The following SGCD variants were observed in gnomAD, a reference collection of about 807,000 sequenced individuals.
SGCD encodes the protein sarcoglycan delta, also known as delta-sarcoglycan.
SGCD carries 18 observed loss-of-function variants against 36.6 expected under a neutral mutation model. That is an observed-to-expected ratio of 0.49 (90% CI 0.34 to 0.73). The LOEUF is 0.73. Among genes scored for constraint, SGCD ranks in the 30% least tolerant of loss-of-function variants. SGCD has a pLI of 0.01. For missense variants in SGCD, 387 were observed against 346.7 expected, an observed-to-expected ratio of 1.12 and a Z score of -0.92; for synonymous variants, 133 against 130.6, an observed-to-expected ratio of 1.02 and a Z score of -0.12.
At chr5:156,446,680 T>C (rs979203388) in intron 3 of SGCD, among the ~76,000 whole-genome samples, 2 of 152,152 alleles carry the variant, frequency 1.3e-5, no homozygotes, top group Admixed American at 6.6e-5. Context: ...CCGAAGGAGC[T>C]GAGTCCAAGA....
chr5:156,034,033 A>T (rs1307615593), intron 1 of SGCD, among the ~76,000 whole-genome samples: 1 of 152,156 alleles, frequency 6.6e-6, no homozygotes, highest in Non-Finnish European at 1.5e-5. Context: ...GATATTTTTC[A>T]TCCACTGCCC....
chr5:156,540,713 C>T (rs1279885794), intron 4 of SGCD, among the ~76,000 whole-genome samples: 3 of 152,246 alleles, frequency 2.0e-5, no homozygotes, highest in Admixed American at 6.5e-5. Flanking sequence ...TAATGAGCCA[C>T]GTTCCCCATG....
intron 4 of SGCD, among the ~76,000 whole-genome samples, chr5:156,541,018 T>C (rs999252032): frequency 6.6e-6 from 1 of 152,166 alleles, no homozygotes; most frequent in Non-Finnish European, 1.5e-5. Context: ...GAGAAACTAA[T>C]CCATTGTTCT....
chr5:156,330,572 C>T (rs942886759), intron 2 of SGCD, among the ~76,000 whole-genome samples: 1 of 152,120 alleles, frequency 6.6e-6, no homozygotes, highest in African/African-American at 2.4e-5. Context: ...TCATTTCACC[C>T]ATTTCTCCAT....
At chr5:156,515,537 G>A (rs914429103) in intron 4 of SGCD, among the ~76,000 whole-genome samples, 1 of 152,196 alleles carries the variant, frequency 6.6e-6, no homozygotes, top group African/African-American at 2.4e-5. Context: ...TGGCCCACCT[G>A]GGAGCAGCAC....
chr5:155,828,231 C>T, the SGCD span, among the ~76,000 whole-genome samples: 1 of 152,008 alleles, frequency 6.6e-6, no homozygotes, highest in Non-Finnish European at 1.5e-5. Context: ...ATTTTATGTA[C>T]ATGATGGTCA....
the SGCD span, among the ~76,000 whole-genome samples, chr5:155,838,916 T>A: frequency 6.6e-6 from 1 of 152,320 alleles, no homozygotes; most frequent in Middle Eastern, 3.4e-3. Context: ...ATCAGAGTTT[T>A]TAAGCCAGCT....
At chr5:156,710,199 G>A (rs1161850723) in intron 7 of SGCD, among the ~76,000 whole-genome samples, 1 of 152,164 alleles carries the variant, frequency 6.6e-6, no homozygotes, top group East Asian at 1.9e-4. Context: ...CATAAACCAA[G>A]GCTTGATGGA....
chr5:156,532,275 T>C, intron 4 of SGCD, among the ~76,000 whole-genome samples: 1 of 152,296 alleles, frequency 6.6e-6, no homozygotes, highest in Middle Eastern at 3.4e-3. Context: ...CTTTAATACA[T>C]ATTAAAATAT....
intron 3 of SGCD, among the ~76,000 whole-genome samples, chr5:156,185,352 C>T (rs545642507): frequency 4.6e-5 from 7 of 151,590 alleles, no homozygotes; most frequent in Admixed American, 2.6e-4. Flanking sequence ...GTAGCTGGGA[C>T]TACAGGCGCC....
chr5:156,579,575 G>T (rs1165794604), intron 4 of SGCD, among the ~76,000 whole-genome samples: 2 of 152,148 alleles, frequency 1.3e-5, no homozygotes, highest in African/African-American at 4.8e-5. Flanking sequence ...CTAAGGACTT[G>T]CTTTATGAAT....
the SGCD span, among the ~76,000 whole-genome samples, chr5:155,844,498 T>C: frequency 1.3e-5 from 2 of 151,154 alleles, no homozygotes; most frequent in South Asian, 2.1e-4. Context: ...AAGTGGTGAC[T>C]CAGGGATATT....
intron 3 of SGCD, among the ~76,000 whole-genome samples, chr5:156,313,030 C>T (rs574288228): frequency 6.6e-6 from 1 of 152,162 alleles, no homozygotes; most frequent in Admixed American, 6.6e-5. Context: ...TTTCTTCTCT[C>T]ATCTTCTCTA....
At position 156,464,216 on chromosome 5, in the gene SGCD, A is replaced by ATTT. The variant is rs773294916; in HGVS notation, c.193-44365_193-44363dup. 1.4e-3 allele frequency among the ~76,000 whole-genome samples: 159 copies of ATTT among 116,210 alleles called. 3 individuals carry two copies. Among genetic ancestry groups the ATTT allele is most frequent in the African/African-American group, 2.5e-3 (77 of 30,572 alleles). 76.2% of individuals were successfully genotyped at this position (116,210 alleles called of 152,430 possible). A position where few individuals can be genotyped will look rare whatever the true frequency, so the allele number is the denominator to read the frequency against. On this transcript the variant is annotated intron_variant, in intron 3 of 8. Coordinates refer to ENST00000337851, the MANE Select transcript of SGCD (RefSeq NM_000337.6). Reference sequence around the variant, plus strand: ...GAAGAATCTAGGTTTGAATCTACATATTTTTTTTTTTTTTTTTTTTTTGAG... The same window carrying ATTT: ...GAAGAATCTAGGTTTGAATCTACATATTTTTTTTTTTTTTTTTTTTTTTTTGAG...
At chr5:156,521,011 C>T (rs562532714) in intron 4 of SGCD, among the ~76,000 whole-genome samples, 23 of 124,228 alleles carry the variant, frequency 1.9e-4, no homozygotes, top group African/African-American at 5.3e-4. Context: ...AGCGAGACTC[C>T]GTCTCAAAAA....
chr5:156,631,888 GGACA>G (rs1762650430), intron 6 of SGCD, among the ~76,000 whole-genome samples: 1 of 152,026 alleles, frequency 6.6e-6, no homozygotes, highest in South Asian at 2.1e-4. Context: ...AGACTGTTAG[GGACA>G]GACAGTCAAG....
intron 1 of SGCD, among the ~76,000 whole-genome samples, chr5:155,896,230 T>C (rs992866987): frequency 2.6e-5 from 4 of 152,190 alleles, no homozygotes; most frequent in Non-Finnish European, 5.9e-5. Flanking sequence ...AGAGTTCTAG[T>C]TCTAGTCCTG....
chr5:155,835,968 A>G, the SGCD span, among the ~76,000 whole-genome samples: 1 of 152,166 alleles, frequency 6.6e-6, no homozygotes, highest in Non-Finnish European at 1.5e-5. Context: ...CTAGGAAAAC[A>G]TATGGTATAT....
At chr5:155,794,322 A>C in the SGCD span, among the ~76,000 whole-genome samples, 2 of 152,172 alleles carry the variant, frequency 1.3e-5, no homozygotes, top group Non-Finnish European at 1.5e-5. Flanking sequence ...GACCAAAAAA[A>C]ATCAAGATTA....
Sources: gnomAD v4.1 joint callset for allele counts (sites outside exome capture counted in the v4.1 genomes callset) on GRCh38, gnomAD v4.1.1 for gene constraint, MANE v1.5 for transcripts, NCBI Gene and HGNC (gene_info 2026-07-23, HGNC 2026-07-21) for gene names.